ACSL3: variants seen among roughly 807,000 people sequenced by gnomAD.
ACSL3 encodes acyl-CoA synthetase long chain family member 3, also known as fatty acid CoA ligase Acsl3.
Under a neutral mutation model 84.7 loss-of-function variants are expected in ACSL3, and 34 were observed. The ratio of observed to expected loss-of-function variants is 0.40; its 90% CI spans 0.31 to 0.53. The LOEUF (loss-of-function observed/expected upper bound fraction) is 0.53. Among genes scored for constraint, ACSL3 ranks in the 20% least tolerant of loss-of-function variants. The pLI is 0.48. For missense variants in ACSL3, 680 were observed against 873.1 expected (o/e 0.78, Z 2.79); for synonymous variants, 315 against 299.4 (o/e 1.05, Z -0.54).
At chr2:222,898,894 A>G (rs1696064021) in intron 2 of ACSL3, among the ~76,000 whole-genome samples, 1 of 152,226 alleles carries the variant, frequency 6.6e-6, no homozygotes, top group South Asian at 2.1e-4. Context: ...TATATTTGGT[A>G]TAAAGGGGTA....
intron 10 of ACSL3, 107 bp downstream of exon 10, chr2:222,923,256 T>C: frequency 1.1e-6 from 1 of 914,520 alleles, no homozygotes; most frequent in Non-Finnish European, 1.7e-6. Flanking sequence ...TTATGTAGGA[T>C]TTATTCCTTA....
At chr2:222,930,923 G>T in intron 14 of ACSL3, 111 bp downstream of exon 14, 1 of 986,960 alleles carries the variant, frequency 1.0e-6, no homozygotes, top group Non-Finnish European at 1.4e-6. Context: ...TGTAATCTTA[G>T]TTTGGGTTGT....
intron 1 of ACSL3, among the ~76,000 whole-genome samples, chr2:222,885,740 A>T (rs1199323657): frequency 6.6e-6 from 1 of 151,578 alleles, no homozygotes; most frequent in East Asian, 1.9e-4. Flanking sequence ...ATCTGAGTTT[A>T]AGGTCTGTCC....
chr2:222,939,621 G>T (rs1697254950), intron 16 of ACSL3, among the ~76,000 whole-genome samples: 1 of 152,082 alleles, frequency 6.6e-6, no homozygotes, highest in Non-Finnish European at 1.5e-5. Context: ...CTCCTCTTAG[G>T]GATTTCTTCC....
intron 1 of ACSL3, among the ~76,000 whole-genome samples, chr2:222,873,239 CA>C (rs1473075982): frequency 2.0e-5 from 3 of 152,156 alleles, no homozygotes; most frequent in Admixed American, 6.5e-5. Context: ...ATATATATAA[CA>C]ATATACCTGA....
chr2:222,916,205 T>A lies in ACSL3; in HGVS notation c.379-114T>A, dbSNP rs1323341742. 13 of 636,994 alleles carry A rather than the reference T, an allele frequency of 2.0e-5. No individual in the cohort carries two copies. In the East Asian group the frequency reaches 2.3e-4, roughly 11 times the overall value. The allele number at this position is 636,994 out of a possible 1,614,324, so 39.5% of individuals were successfully genotyped here. A position where few individuals can be genotyped will look rare whatever the true frequency, so the allele number is the denominator to read the frequency against. ...AGTTTCTGGCTTTTTATTAAAAAGATAATTCTATGCAAACGTAACTTTCTG... is the reference window on the plus strand; with the variant it reads ...AGTTTCTGGCTTTTTATTAAAAAGAAAATTCTATGCAAACGTAACTTTCTG... On this transcript the variant is annotated intron_variant, in intron 4 of 16. Transcript: ENST00000357430.
In ACSL3 at chr2:222,942,689, G is replaced by T; in HGVS notation, c.*1035G>T. 4.7e-6 allele frequency: 1 copy of T among 210,812 alleles called. No homozygotes were observed. The highest frequency in any genetic ancestry group is 9.6e-6 in the Non-Finnish European group (1 of 104,040). 13.1% of individuals were successfully genotyped at this position (210,812 alleles called of 1,614,324 possible). On this transcript the variant is annotated 3_prime_UTR_variant, in exon 17 of 17. Coordinates refer to ENST00000357430, the MANE Select transcript of ACSL3 (RefSeq NM_004457.5). ...AGTTTGCACTGATGCGTGTATGGAT[G>T]TGTGTGAGTCAGTGGTAGCTTATTT...
At chr2:222,901,064 A>T (rs989910060) in intron 3 of ACSL3, among the ~76,000 whole-genome samples, 1 of 152,150 alleles carries the variant, frequency 6.6e-6, no homozygotes, top group African/African-American at 2.4e-5. Context: ...CCACTCCCCT[A>T]CACCATCTTC....
chr2:222,912,477 TTAAA>T lies in ACSL3; in HGVS notation c.378+3330_378+3333del, dbSNP rs776398061. ...TCAAGCTCAGTGAAGTGTGTCTTCA[TTAAA>T]TAGTTTCCATATTTGAAGATAATCT... On this transcript the variant is annotated intron_variant, in intron 4 of 16. Transcript: ENST00000357430. 1.2e-3 allele frequency among the ~76,000 whole-genome samples: 185 copies of T among 152,324 alleles called. 2 individuals are homozygous for T. Among genetic ancestry groups the T allele is most frequent in the Non-Finnish European group, 3.8e-4 (26 of 68,030 alleles).
At chr2:222,881,767 G>A (rs1695596863) in intron 1 of ACSL3, among the ~76,000 whole-genome samples, 1 of 152,206 alleles carries the variant, frequency 6.6e-6, no homozygotes, top group Non-Finnish European at 1.5e-5. Context: ...CCTGCCCAAA[G>A]TGCTGGGATT....
intron 2 of ACSL3, among the ~76,000 whole-genome samples, chr2:222,898,077 C>T (rs953612518): frequency 1.2e-4 from 18 of 152,314 alleles, no homozygotes; most frequent in Admixed American, 1.1e-3. Flanking sequence ...GAGACCTTCA[C>T]ATTATCAAAA....
chr2:222,903,917 A>G (rs902022405), intron 3 of ACSL3, among the ~76,000 whole-genome samples: 2 of 149,166 alleles, frequency 1.3e-5, no homozygotes, highest in African/African-American at 5.0e-5. Flanking sequence ...CCATATCCCA[A>G]ACAAACTGAA....
intron 8 of ACSL3, 49 bp from the exon 9 acceptor site, chr2:222,922,659 G>A (rs1294674136): frequency 6.2e-7 from 1 of 1,608,350 alleles, no homozygotes; most frequent in African/African-American, 1.3e-5. Flanking sequence ...GGCACTTTTG[G>A]CATAGACGAC....
At chr2:222,896,951 T>G (rs1250531604) in intron 2 of ACSL3, among the ~76,000 whole-genome samples, 2 of 13,564 alleles carry the variant, frequency 1.5e-4, no homozygotes, top group Non-Finnish European at 2.2e-4. Flanking sequence ...CCTCCCGGAC[T>G]GGGCGGCTGG....
intron 3 of ACSL3, among the ~76,000 whole-genome samples, chr2:222,907,011 T>C (rs1442278021): frequency 1.3e-5 from 2 of 152,214 alleles, no homozygotes; most frequent in Admixed American, 6.5e-5. Flanking sequence ...TCTGTGTTCT[T>C]ACAGCCTGCT....
chr2:222,934,570 A>G lies in ACSL3; in HGVS notation c.1888A>G (p.Lys630Glu). ...CATTGGATTTGTTGTGCCAAATCAA[A>G]AGGAACTAACTGAACTAGCTCGAAA... ...YVIGFVVPNQ[K>E]ELTELARKKG... The change falls in exon 16 of 17, where the codon AAG becomes GAG. Residue 630 changes from lysine (K) to glutamate (E), a missense_variant. Physicochemically the swap from Lys to Glu is moderately conservative, Grantham distance 56. Coordinates refer to ENST00000357430, the MANE Select transcript of ACSL3 (RefSeq NM_004457.5). The G allele has an allele frequency of 5.0e-6, 8 of 1,588,548 alleles. No individual in the cohort carries two copies. Among genetic ancestry groups the G allele is most frequent in the Non-Finnish European group, 6.0e-6 (7 of 1,167,308 alleles).
chr2:222,924,414 C>A, intron 10 of ACSL3, 42 bp from the exon 11 acceptor site: 3 of 1,500,446 alleles, frequency 2.0e-6, no homozygotes, highest in Non-Finnish European at 2.7e-6. Flanking sequence ...TGTAAGGCAG[C>A]TGTTATTATT....
At chr2:222,867,385 C>T (rs1296076160) in intron 1 of ACSL3, among the ~76,000 whole-genome samples, 1 of 152,234 alleles carries the variant, frequency 6.6e-6, no homozygotes, top group Non-Finnish European at 1.5e-5. Flanking sequence ...TTACAGCTAA[C>T]CACTGCTCTG....
intron 1 of ACSL3, among the ~76,000 whole-genome samples, chr2:222,863,265 ATCTAG>A (rs1695057624): frequency 6.6e-6 from 1 of 152,208 alleles, no homozygotes; most frequent in African/African-American, 2.4e-5. Context: ...GTAGATGGAA[ATCTAG>A]TCTAGGGAGC....
Sources: gnomAD v4.1 joint callset for allele counts (sites outside exome capture counted in the v4.1 genomes callset) on GRCh38, gnomAD v4.1.1 for gene constraint, MANE v1.5 for transcripts, NCBI Gene and HGNC (gene_info 2026-07-23, HGNC 2026-07-21) for gene names.